The following SH3D19 variants were observed in gnomAD, a reference collection of about 807,000 sequenced individuals.
The protein encoded by SH3D19 is SH3 domain-containing protein 19.
A neutral mutation model predicts 112.1 loss-of-function variants in SH3D19; 58 were observed. The observed-to-expected ratio is 0.52, with a 90% CI of 0.42 to 0.64. The LOEUF is 0.64. Ranked by LOEUF, SH3D19 falls within the 30% of genes least tolerant of loss-of-function variation. The pLI is 0.00. For synonymous variants in SH3D19, 391 were observed against 448.5 expected, an observed-to-expected ratio of 0.87 and a Z score of 1.62; for missense variants, 1,090 against 1,263.4, an observed-to-expected ratio of 0.86 and a Z score of 2.08.
rs767128836 is a variant in SH3D19 at position 151,277,136 on chromosome 4, G to A, written c.112+48105C>T. Reference sequence around the variant, plus strand: ...CCTCTTCCTGGGAGCCTGAGTCCAGGAAGCAGGAAGCGCTCACTGGCTCTG... The same window carrying A: ...CCTCTTCCTGGGAGCCTGAGTCCAGAAAGCAGGAAGCGCTCACTGGCTCTG... On this transcript the variant is annotated intron_variant, in intron 1 of 19. Transcript: ENST00000604030. 8.1e-6 allele frequency: 11 copies of A among 1,365,934 alleles called. No homozygotes were observed. The South Asian group carries it at 1.6e-4, about 20-fold the overall frequency. 84.6% of individuals were successfully genotyped at this position (1,365,934 alleles called of 1,614,324 possible). A position where few individuals can be genotyped will look rare whatever the true frequency, so the allele number is the denominator to read the frequency against.
chr4:151,320,359 A>G (rs1730414410), intron 1 of SH3D19, among the ~76,000 whole-genome samples: 1 of 152,206 alleles, frequency 6.6e-6, no homozygotes, highest in African/African-American at 2.4e-5. Context: ...GAGATTCTCA[A>G]ATCTGTTTGA....
rs575618369 is a variant in SH3D19 at position 151,257,115 on chromosome 4, T to C, written c.113-31029A>G. On this transcript the variant is annotated intron_variant, in intron 1 of 19. Coordinates refer to ENST00000604030, the MANE Select transcript of SH3D19 (RefSeq NM_001378122.1). The stretch of plus-strand genomic sequence containing the variant: ...TGTTTATTTATTTTTTGAGATGAAG[T>C]CTTGCTCTGTTTTCCAGGCTGGAGT... Among the ~76,000 whole-genome samples, 53 of 151,820 alleles carry C rather than the reference T, an allele frequency of 3.5e-4. 1 individual carries two copies. The South Asian group carries it at 0.01, about 29-fold the overall frequency.
intron 1 of SH3D19, among the ~76,000 whole-genome samples, chr4:151,294,982 G>A (rs1033174566): frequency 2.0e-5 from 3 of 152,168 alleles, no homozygotes; most frequent in African/African-American, 7.2e-5. Context: ...CGAGTAAACA[G>A]CGAGTACAAA....
chr4:151,221,937 T>C (rs926165596), intron 2 of SH3D19, among the ~76,000 whole-genome samples: 2 of 152,226 alleles, frequency 1.3e-5, no homozygotes, highest in Non-Finnish European at 2.9e-5. Context: ...TTATTTTCTA[T>C]TGTATTCTGA....
chr4:151,128,809 A>T (rs1561192897), intron 17 of SH3D19, among the ~76,000 whole-genome samples: 2 of 151,758 alleles, frequency 1.3e-5, no homozygotes, highest in African/African-American at 2.4e-5. Flanking sequence ...TCGGCTATTT[A>T]ATTTTATTTT....
chr4:151,286,366 A>G (rs983850361), intron 1 of SH3D19, among the ~76,000 whole-genome samples: 3 of 151,302 alleles, frequency 2.0e-5, no homozygotes, highest in African/African-American at 7.3e-5. Context: ...TGAGCAAGAA[A>G]AAAAAAAGAC....
intron 2 of SH3D19, among the ~76,000 whole-genome samples, chr4:151,203,188 C>T (rs957951514): frequency 6.6e-6 from 1 of 152,114 alleles, no homozygotes; most frequent in Non-Finnish European, 1.5e-5. Context: ...ACAGGACCCC[C>T]AGCAATCGCA....
At chr4:151,315,975 T>C (rs1342966808) in intron 1 of SH3D19, among the ~76,000 whole-genome samples, 1 of 152,080 alleles carries the variant, frequency 6.6e-6, no homozygotes, top group Non-Finnish European at 1.5e-5. Flanking sequence ...AAAATTTCTT[T>C]TGAAGGACTA....
At chr4:151,264,460 A>C (rs547766266) in intron 1 of SH3D19, among the ~76,000 whole-genome samples, 206 of 151,470 alleles carry the variant, frequency 1.4e-3, no homozygotes, top group Non-Finnish European at 2.3e-3. Flanking sequence ...CAAAAAAAAA[A>C]CCCTAACATC....
chr4:151,228,931 T>C (rs1279672333), intron 1 of SH3D19, among the ~76,000 whole-genome samples: 1 of 151,948 alleles, frequency 6.6e-6, no homozygotes, highest in African/African-American at 2.4e-5. Context: ...CACAGCTCAC[T>C]GCAGCCTTGA....
intron 1 of SH3D19, among the ~76,000 whole-genome samples, chr4:151,286,852 T>C (rs913086139): frequency 2.6e-5 from 4 of 151,718 alleles, no homozygotes; most frequent in African/African-American, 4.8e-5. Flanking sequence ...TGGTGGCATG[T>C]GCCTGTATTC....
chr4:151,226,909 C>A (rs910923194), intron 1 of SH3D19, among the ~76,000 whole-genome samples: 1 of 152,074 alleles, frequency 6.6e-6, no homozygotes, highest in Admixed American at 6.6e-5. Flanking sequence ...ACCATAAAAC[C>A]CACAGGTTGT....
chr4:151,208,887 C>T (rs1372208266), intron 2 of SH3D19, among the ~76,000 whole-genome samples: 1 of 149,760 alleles, frequency 6.7e-6, no homozygotes, highest in African/African-American at 2.5e-5. Flanking sequence ...CCGTGTTAGC[C>T]AGGATGATCT....
At chr4:151,235,314 A>G (rs1580293435) in intron 1 of SH3D19, among the ~76,000 whole-genome samples, 1 of 152,140 alleles carries the variant, frequency 6.6e-6, no homozygotes, top group Non-Finnish European at 1.5e-5. Flanking sequence ...GTTTTTAATA[A>G]AGGTCATAAA....
At chr4:151,172,418 T>C (rs563417618) in intron 7 of SH3D19, among the ~76,000 whole-genome samples, 1 of 152,164 alleles carries the variant, frequency 6.6e-6, no homozygotes, top group African/African-American at 2.4e-5. Flanking sequence ...GTGGGCTCAA[T>C]TTGGGAGGCC....
At chr4:151,152,771 G>A (rs944279970) in intron 9 of SH3D19, among the ~76,000 whole-genome samples, 5 of 151,266 alleles carry the variant, frequency 3.3e-5, no homozygotes, top group South Asian at 4.2e-4. Context: ...CACCTGCCTC[G>A]GACTCCCAAA....
intron 2 of SH3D19, among the ~76,000 whole-genome samples, chr4:151,202,932 T>C (rs188388235): frequency 1.3e-5 from 2 of 152,330 alleles, no homozygotes; most frequent in Admixed American, 6.5e-5. Flanking sequence ...GGAGAGATTA[T>C]ACAACTGTTT....
chr4:151,252,619 T>A (rs1398590298), intron 1 of SH3D19, among the ~76,000 whole-genome samples: 1 of 152,228 alleles, frequency 6.6e-6, no homozygotes, highest in East Asian at 1.9e-4. Context: ...TACTATGACA[T>A]GCTGATGACA....
intron 2 of SH3D19, among the ~76,000 whole-genome samples, chr4:151,200,972 G>A (rs1764315803): frequency 6.6e-6 from 1 of 152,116 alleles, no homozygotes; most frequent in Non-Finnish European, 1.5e-5. Flanking sequence ...CACTGCACAG[G>A]CCCCAGATGT....
Sources: allele counts gnomAD v4.1 joint callset (sites outside exome capture counted in the v4.1 genomes callset), GRCh38; gene constraint gnomAD v4.1.1; transcripts MANE v1.5; gene names NCBI Gene and HGNC (gene_info 2026-07-23, HGNC 2026-07-21).